CACNA1A: variants seen among roughly 807,000 people sequenced by gnomAD.
CACNA1A encodes the protein voltage-dependent P/Q-type calcium channel subunit alpha-1A.
A neutral mutation model predicts 262.4 loss-of-function variants in CACNA1A; 57 were observed. The ratio of observed to expected loss-of-function variants is 0.22; its 90% CI spans 0.18 to 0.27. The LOEUF is 0.27. Ranked by LOEUF, CACNA1A falls within the 10% of genes least tolerant of loss-of-function variation. The pLI is 1.00. For missense variants in CACNA1A, 2,526 were observed against 3,562.8 expected, an observed-to-expected ratio of 0.71 and a Z score of 7.41; for synonymous variants, 1,431 against 1,419.3, an observed-to-expected ratio of 1.01 and a Z score of -0.18.
intron 3 of CACNA1A, among the ~76,000 whole-genome samples, chr19:13,437,155 A>G (rs147649632): frequency 6.6e-6 from 1 of 152,188 alleles, no homozygotes; most frequent in Non-Finnish European, 1.5e-5. Context: ...CCCTTTCCCT[A>G]TTTTCTCCCT....
chr19:13,212,088 G>C lies in CACNA1A; in HGVS notation c.6303+15C>G. On this transcript the variant is annotated intron_variant, in intron 43 of 46. Transcript: ENST00000360228. The surrounding 1 kb of genome is among the most constrained non-coding windows in gnomAD (Gnocchi z 5.6). The stretch of plus-strand genomic sequence containing the variant: ...GTGAGGGGTCCAGCCCCAGGGCAGT[G>C]GTGAAAGCCCTCACCTGGTTCTCTG... 1 of 1,583,388 alleles carries C rather than the reference G, an allele frequency of 6.3e-7. No individual in the cohort carries two copies. Among genetic ancestry groups the C allele is most frequent in the Non-Finnish European group, 8.7e-7 (1 of 1,154,436 alleles).
At position 13,406,465 on chromosome 19, in the gene CACNA1A, TTATATATATATATATATATATATATA is replaced by T. The variant is rs61273249; in HGVS notation, c.540-34712_540-34687del. On this transcript the variant is annotated intron_variant, in intron 3 of 46. Transcript: ENST00000360228. ...GGGAGACTCTGTCTCAAAAAAAAAA[TTATATATATATATATATATATATATA>T]TATATATATATATATATATATGAAG... 5.0e-3 allele frequency among the ~76,000 whole-genome samples: 159 copies of T among 31,546 alleles called. 1 individual carries two copies. The highest frequency in any genetic ancestry group is 7.0e-3 in the African/African-American group (94 of 13,498). 20.7% of individuals were successfully genotyped at this position (31,546 alleles called of 152,430 possible).
rs142384669 is a variant in CACNA1A, at chr19:13,401,421, C to T, written c.540-29642G>A. The stretch of plus-strand genomic sequence containing the variant: ...GGTAGGCTGATATGTAAAGTACTTA[C>T]GACAGTGCCTGATACATAGTTGAGG... On this transcript the variant is annotated intron_variant, in intron 3 of 46. Transcript: ENST00000360228. 4.8e-3 allele frequency among the ~76,000 whole-genome samples: 734 copies of T among 152,246 alleles called. 3 individuals carry two copies. Among genetic ancestry groups the T allele is most frequent in the Non-Finnish European group, 7.5e-3 (510 of 68,010 alleles).
At chr19:13,496,056 CCAT>C (rs1981480414) in intron 1 of CACNA1A, among the ~76,000 whole-genome samples, 2 of 144,534 alleles carry the variant, frequency 1.4e-5, no homozygotes, top group Non-Finnish European at 3.0e-5. Flanking sequence ...ATCCATCCAT[CCAT>C]CCATCCATCC....
Position 13,455,160 on chromosome 19 carries a change from C to T in CACNA1A, c.346G>A (p.Ala116Thr), listed in dbSNP as rs778725158. 4 of 1,612,710 alleles carry T rather than the reference C, an allele frequency of 2.5e-6. No individual in the cohort carries two copies. The highest frequency in any genetic ancestry group is 2.5e-6 in the Non-Finnish European group (3 of 1,178,942). Residue 116 changes from alanine to threonine, a missense_variant, in exon 2 of 47, where the codon GCA (alanine) becomes ACA (threonine). Transcript: ENST00000360228. ...TCATCAGGCAGATGCTGCTCCAGTG[C>T]GAGGACGATGCAATTCGCTATGATG... Reference protein sequence around the residue: ...ATIIANCIVLALEQHLPDDDK... With the variant: ...ATIIANCIVLTLEQHLPDDDK...
chr19:13,227,943 T>TCC, intron 36 of CACNA1A, among the ~76,000 whole-genome samples: 1 of 130,722 alleles, frequency 7.6e-6, no homozygotes, highest in South Asian at 2.7e-4. Flanking sequence ...AGACAGGGTC[T>TCC]CTCTCTGTCG....
chr19:13,373,604 C>T (rs1013357504), intron 3 of CACNA1A, among the ~76,000 whole-genome samples: 47 of 152,196 alleles, frequency 3.1e-4, no homozygotes, highest in African/African-American at 1.1e-3. Flanking sequence ...CTTGCCCCAC[C>T]TCCCCTCTCC....
intron 31 of CACNA1A, among the ~76,000 whole-genome samples, chr19:13,238,312 C>T (rs914923204): frequency 3.9e-5 from 6 of 152,108 alleles, no homozygotes; most frequent in African/African-American, 1.4e-4. Context: ...TGGGACACAG[C>T]CCCTGGAAGA....
intron 43 of CACNA1A, chr19:13,211,715 A>ATG (rs973220248): frequency 1.2e-5 from 3 of 246,186 alleles, no homozygotes; most frequent in Non-Finnish European, 1.6e-5. Flanking sequence ...TATGTTGAGC[A>ATG]TGTGTGTGTG....
At chr19:13,421,206 C>A (rs1160514850) in intron 3 of CACNA1A, among the ~76,000 whole-genome samples, 1 of 152,166 alleles carries the variant, frequency 6.6e-6, no homozygotes, top group Non-Finnish European at 1.5e-5. Flanking sequence ...TCCCTGCCAA[C>A]CTGCATGGCT....
At chr19:13,311,913 G>A (rs1452026675) in intron 12 of CACNA1A, among the ~76,000 whole-genome samples, 2 of 152,080 alleles carry the variant, frequency 1.3e-5, no homozygotes, top group Non-Finnish European at 2.9e-5. Flanking sequence ...CAGGACTATG[G>A]TAAATGATTA....
intron 2 of CACNA1A, 21 bp from the exon 3 acceptor site, chr19:13,453,036 G>A: frequency 6.2e-7 from 1 of 1,613,712 alleles, no homozygotes; most frequent in African/African-American, 1.3e-5. Context: ...GAGAAGGCAA[G>A]GTCAGCGTCT....
intron 12 of CACNA1A, among the ~76,000 whole-genome samples, chr19:13,310,129 C>G (rs920758776): frequency 6.6e-6 from 1 of 151,958 alleles, no homozygotes; most frequent in African/African-American, 2.4e-5. Flanking sequence ...AAGGTCCTCG[C>G]CTTTTTAACG....
chr19:13,243,171 C>G (rs1253919726), intron 31 of CACNA1A, among the ~76,000 whole-genome samples: 1 of 152,202 alleles, frequency 6.6e-6, no homozygotes, highest in Non-Finnish European at 1.5e-5. Context: ...TCTCTAGAAA[C>G]TCAGGACAGG....
intron 34 of CACNA1A, among the ~76,000 whole-genome samples, chr19:13,232,375 A>AT (rs1016380592): frequency 1.1e-3 from 162 of 149,660 alleles, no homozygotes; most frequent in African/African-American, 3.5e-3. Context: ...TTTTTAAACT[A>AT]TTTTTTTTTG....
chr19:13,239,435 G>A (rs1330170671), intron 31 of CACNA1A, among the ~76,000 whole-genome samples: 3 of 152,156 alleles, frequency 2.0e-5, no homozygotes, highest in African/African-American at 7.2e-5. Context: ...GGAGTCAAGG[G>A]GTTATTTGAC....
chr19:13,213,603 A>C (rs1020828138), intron 40 of CACNA1A: 1 of 148,422 alleles, frequency 6.7e-6, no homozygotes, highest in African/African-American at 2.4e-5. Context: ...TGCACACAGT[A>C]ATACTCAATA....
intron 3 of CACNA1A, among the ~76,000 whole-genome samples, chr19:13,402,555 GAA>G: frequency 1.3e-5 from 2 of 150,476 alleles, no homozygotes; most frequent in South Asian, 4.2e-4. Context: ...TTAAAAAAAA[GAA>G]AAAAGAAAAT....
At chr19:13,343,130 T>C (rs936269880) in intron 6 of CACNA1A, among the ~76,000 whole-genome samples, 2 of 148,960 alleles carry the variant, frequency 1.3e-5, no homozygotes, top group Admixed American at 1.3e-4. Flanking sequence ...TTTTCTTTCT[T>C]TTTTTTTTTG....
Sources: gnomAD v4.1 joint callset for allele counts (sites outside exome capture counted in the v4.1 genomes callset) on GRCh38, gnomAD v4.1.1 for gene constraint, Gnocchi (gnomAD v3.1) non-coding constraint, MANE v1.5 for transcripts, NCBI Gene and HGNC (gene_info 2026-07-23, HGNC 2026-07-21) for gene names.